Variants in PTPRR observed in about 807,000 individuals in gnomAD.
PTPRR encodes protein tyrosine phosphatase receptor type R.
A neutral mutation model predicts 77.2 loss-of-function variants in PTPRR; 38 were observed. The ratio of observed to expected loss-of-function variants is 0.49; its 90% CI spans 0.38 to 0.65. PTPRR has a LOEUF of 0.65. Among genes scored for constraint, PTPRR ranks in the 30% least tolerant of loss-of-function variants. The probability of loss-of-function intolerance (pLI) is 0.00; values close to 1 mark genes in which losing one functional copy is unlikely to be tolerated. For synonymous variants in PTPRR, 299 were observed against 283.1 expected, an observed-to-expected ratio of 1.06 and a Z score of -0.57; for missense variants, 744 against 799.2, an observed-to-expected ratio of 0.93 and a Z score of 0.83.
chr12:70,864,493 T>C (rs1892806893), intron 2 of PTPRR, among the ~76,000 whole-genome samples: 1 of 152,206 alleles, frequency 6.6e-6, no homozygotes, highest in Non-Finnish European at 1.5e-5. Flanking sequence ...ACTGCTATTG[T>C]TACTTCAAGC....
At chr12:70,816,016 A>C (rs1172625793) in intron 2 of PTPRR, among the ~76,000 whole-genome samples, 1 of 152,152 alleles carries the variant, frequency 6.6e-6, no homozygotes, top group African/African-American at 2.4e-5. Flanking sequence ...CTCTTTCCTG[A>C]GTTATCTACG....
intron 2 of PTPRR, among the ~76,000 whole-genome samples, chr12:70,829,648 G>A (rs181249887): frequency 2.0e-5 from 3 of 152,248 alleles, no homozygotes; most frequent in Non-Finnish European, 4.4e-5. Flanking sequence ...TCTCTGCATG[G>A]CACTTTTGGA....
chr12:70,725,193 C>T (rs971526660), intron 6 of PTPRR, among the ~76,000 whole-genome samples: 17 of 152,182 alleles, frequency 1.1e-4, no homozygotes, highest in African/African-American at 4.1e-4. Flanking sequence ...TAAGAGCATA[C>T]GAGACATTCA....
intron 6 of PTPRR, among the ~76,000 whole-genome samples, chr12:70,702,521 G>A (rs1009958540): frequency 2.6e-5 from 4 of 152,104 alleles, no homozygotes; most frequent in Admixed American, 6.6e-5. Context: ...TCTGGAATGC[G>A]ACATTAAGAA....
chr12:70,801,984 G>T (rs371284082), intron 2 of PTPRR, among the ~76,000 whole-genome samples: 1 of 152,128 alleles, frequency 6.6e-6, no homozygotes, highest in Non-Finnish European at 1.5e-5. Context: ...CAGGGGTGTC[G>T]CAGAGTAGGT....
chr12:70,794,960 G>A (rs903248206), intron 2 of PTPRR, among the ~76,000 whole-genome samples: 2 of 151,542 alleles, frequency 1.3e-5, no homozygotes, highest in Non-Finnish European at 2.9e-5. Context: ...GTCTTCTAGA[G>A]ATTCAGGGTG....
intron 1 of PTPRR, among the ~76,000 whole-genome samples, 185 bp downstream of exon 1, chr12:70,920,148 T>G (rs1003131813): frequency 2.6e-5 from 4 of 152,038 alleles, no homozygotes; most frequent in African/African-American, 9.7e-5. Flanking sequence ...TAATTTTAGG[T>G]TAAGTTTTCG....
At chr12:70,649,602 G>A (rs1036105311) in intron 13 of PTPRR, among the ~76,000 whole-genome samples, 1 of 151,744 alleles carries the variant, frequency 6.6e-6, no homozygotes, top group African/African-American at 2.4e-5. Context: ...GTTTTTTTGA[G>A]TCTCACTCTC....
At chr12:70,683,726 A>G (rs1018870236) in intron 10 of PTPRR, among the ~76,000 whole-genome samples, 4 of 152,298 alleles carry the variant, frequency 2.6e-5, no homozygotes, top group East Asian at 1.9e-4. Flanking sequence ...GAAAGTTAAA[A>G]TCTACCAAGG....
chr12:70,829,827 G>C (rs1892180711), intron 2 of PTPRR, among the ~76,000 whole-genome samples: 1 of 152,126 alleles, frequency 6.6e-6, no homozygotes, highest in African/African-American at 2.4e-5. Flanking sequence ...GACTTTCTAT[G>C]AGGTTATAAG....
chr12:70,885,654 C>A (rs933509012), intron 2 of PTPRR, among the ~76,000 whole-genome samples: 2 of 151,622 alleles, frequency 1.3e-5, no homozygotes, highest in African/African-American at 2.4e-5. Context: ...CCTGCCTCAG[C>A]CTCCCGAGTA....
intron 4 of PTPRR, among the ~76,000 whole-genome samples, chr12:70,756,603 A>G (rs975208720): frequency 1.3e-5 from 2 of 152,108 alleles, no homozygotes; most frequent in African/African-American, 4.8e-5. Flanking sequence ...TTTATGTTTT[A>G]TTATTTCATA....
chr12:70,785,098 A>G (rs1422316019), intron 2 of PTPRR, among the ~76,000 whole-genome samples: 1 of 151,950 alleles, frequency 6.6e-6, no homozygotes, highest in Non-Finnish European at 1.5e-5. Flanking sequence ...GCTTCCATTC[A>G]CTCTCCATCC....
intron 2 of PTPRR, among the ~76,000 whole-genome samples, chr12:70,772,564 A>G (rs773117324): frequency 2.0e-5 from 3 of 152,188 alleles, no homozygotes; most frequent in Non-Finnish European, 2.9e-5. Context: ...CAAAAGAGGT[A>G]TAGGGTTCCC....
chr12:70,759,859 A>G (rs972104846), intron 4 of PTPRR, among the ~76,000 whole-genome samples: 2 of 152,150 alleles, frequency 1.3e-5, no homozygotes, highest in African/African-American at 4.8e-5. Context: ...ACAAAGGACC[A>G]TATACCATAT....
intron 1 of PTPRR, among the ~76,000 whole-genome samples, chr12:70,909,365 G>A (rs1198354912): frequency 1.3e-5 from 2 of 152,172 alleles, no homozygotes; most frequent in African/African-American, 2.4e-5. Flanking sequence ...TATGCAAATT[G>A]TGCACAGGCA....
chr12:70,906,119 G>C (rs1179406005), intron 1 of PTPRR, among the ~76,000 whole-genome samples: 1 of 151,928 alleles, frequency 6.6e-6, no homozygotes, highest in Non-Finnish European at 1.5e-5. Flanking sequence ...TTTTTATTAA[G>C]AGGAAAGAAT....
chr12:70,813,535 T>C (rs1891846985), intron 2 of PTPRR, among the ~76,000 whole-genome samples: 1 of 152,218 alleles, frequency 6.6e-6, no homozygotes, highest in South Asian at 2.1e-4. Context: ...CACTTGCAGG[T>C]GTCAAAGAGT....
chr12:70,909,840 G>GT (rs1365242475), intron 1 of PTPRR, among the ~76,000 whole-genome samples: 11 of 152,206 alleles, frequency 7.2e-5, no homozygotes, highest in Non-Finnish European at 1.5e-5. Flanking sequence ...CAGAAGAAAG[G>GT]TTGCCCGTGG....
Sources: allele counts gnomAD v4.1 joint callset (sites outside exome capture counted in the v4.1 genomes callset), GRCh38; gene constraint gnomAD v4.1.1; transcripts MANE v1.5; gene names NCBI Gene and HGNC (gene_info 2026-07-23, HGNC 2026-07-21).